The following LHFPL3 variants were observed in gnomAD, a reference collection of about 807,000 sequenced individuals.
LHFPL3 encodes LHFPL tetraspan subfamily member 3 protein.
Under a neutral mutation model 19.3 loss-of-function variants are expected in LHFPL3, and 5 were observed. The observed-to-expected ratio is 0.26, with a 90% CI of 0.14 to 0.54. The LOEUF (loss-of-function observed/expected upper bound fraction) is 0.54, where lower values mean the gene tolerates loss of function less well. Ranked by LOEUF, LHFPL3 falls within the 20% of genes least tolerant of loss-of-function variation. LHFPL3 has a pLI of 0.94. For missense variants in LHFPL3, 249 were observed against 307.4 expected, an observed-to-expected ratio of 0.81 and a Z score of 1.42; for synonymous variants, 133 against 126.2, an observed-to-expected ratio of 1.05 and a Z score of -0.36.
At chr7:104,727,989 A>G (rs1793621647) in intron 1 of LHFPL3, among the ~76,000 whole-genome samples, 1 of 152,182 alleles carries the variant, frequency 6.6e-6, no homozygotes, top group Admixed American at 6.6e-5. Context: ...GAAGGCCTAA[A>G]GTAGGGGCGT....
At chr7:104,386,133 T>C (rs1435585567) in intron 1 of LHFPL3, among the ~76,000 whole-genome samples, 3 of 152,190 alleles carry the variant, frequency 2.0e-5, no homozygotes, top group Non-Finnish European at 4.4e-5. Context: ...TTCACAATGA[T>C]GGTAATTGTA....
rs372825741 is a variant in LHFPL3 at position 104,591,277 on chromosome 7, C to T, written c.446-145398C>T. Reference sequence around the variant, plus strand: ...CAGTTGTTCCTTTCCATGTTTAGTGCTTCCTTCATGAGCTCTTGTAAGGCA... The same window carrying T: ...CAGTTGTTCCTTTCCATGTTTAGTGTTTCCTTCATGAGCTCTTGTAAGGCA... On this transcript the variant is annotated intron_variant, in intron 1 of 2. Transcript: ENST00000424859. 2.8e-4 allele frequency among the ~76,000 whole-genome samples: 42 copies of T among 151,844 alleles called. 1 individual carries two copies. In the East Asian group the frequency reaches 4.6e-3, roughly 17 times the overall value.
chr7:104,423,977 G>A (rs1791787543), intron 1 of LHFPL3, among the ~76,000 whole-genome samples: 1 of 152,232 alleles, frequency 6.6e-6, no homozygotes, highest in Non-Finnish European at 1.5e-5. Flanking sequence ...AGAATGGTCA[G>A]GGTAGGGCTT....
chr7:104,794,640 T>A (rs1790083715), intron 2 of LHFPL3, among the ~76,000 whole-genome samples: 1 of 152,222 alleles, frequency 6.6e-6, no homozygotes, highest in African/African-American at 2.4e-5. Context: ...GCTACAAGAA[T>A]TTCCATCTAA....
intron 2 of LHFPL3, chr7:104,786,443 A>G (rs1319703133): frequency 6.6e-6 from 1 of 152,202 alleles, no homozygotes; most frequent in African/African-American, 2.4e-5. Flanking sequence ...TTAACCCTAT[A>G]TCTATTATAA....
At position 104,343,165 on chromosome 7, in the gene LHFPL3, A is replaced by G. The variant is rs75006900; in HGVS notation, c.445+13941A>G. Among the ~76,000 whole-genome samples the G allele has an allele frequency of 7.3e-3, 1,107 of 152,170 alleles. 78 individuals are homozygous for G. The East Asian group carries it at 0.17, about 24-fold the overall frequency. ...TGATGACATGAGCAGTTCATTTGAA[A>G]TTTTTCCCCAAATGTGTTAAAGTAT... On this transcript the variant is annotated intron_variant, in intron 1 of 2. Coordinates refer to ENST00000424859, the MANE Select transcript of LHFPL3 (RefSeq NM_199000.3).
At chr7:104,835,095 C>T (rs887421759) in intron 2 of LHFPL3, among the ~76,000 whole-genome samples, 1 of 151,916 alleles carries the variant, frequency 6.6e-6, no homozygotes, top group Non-Finnish European at 1.5e-5. Context: ...GAGTTCAAGT[C>T]CTGACACTTC....
chr7:104,332,920 C>A (rs1801597526), intron 1 of LHFPL3, among the ~76,000 whole-genome samples: 1 of 143,336 alleles, frequency 7.0e-6, no homozygotes. Flanking sequence ...TTTCCTAAAT[C>A]TGTAGAAAGG....
intron 2 of LHFPL3, among the ~76,000 whole-genome samples, chr7:104,867,270 A>C (rs1007218225): frequency 6.6e-6 from 1 of 152,222 alleles, no homozygotes; most frequent in Non-Finnish European, 1.5e-5. Context: ...TCCCTTCAAA[A>C]AAATCAATGA....
chr7:104,834,582 G>A (rs1791055324), intron 2 of LHFPL3, among the ~76,000 whole-genome samples: 1 of 152,136 alleles, frequency 6.6e-6, no homozygotes, highest in African/African-American at 2.4e-5. Context: ...AAGTGTCGCA[G>A]TTGCCCTTGT....
At chr7:104,420,860 C>G (rs1162987608) in intron 1 of LHFPL3, among the ~76,000 whole-genome samples, 1 of 152,214 alleles carries the variant, frequency 6.6e-6, no homozygotes, top group Non-Finnish European at 1.5e-5. Flanking sequence ...CCGCGCCCGG[C>G]CCCCCAAAGG....
chr7:104,548,773 C>T (rs1794616591), intron 1 of LHFPL3, among the ~76,000 whole-genome samples: 1 of 152,056 alleles, frequency 6.6e-6, no homozygotes, highest in South Asian at 2.1e-4. Context: ...AAACAATGGT[C>T]CTCAATAAGT....
intron 1 of LHFPL3, among the ~76,000 whole-genome samples, chr7:104,343,438 G>A (rs1002373094): frequency 3.4e-5 from 5 of 146,426 alleles, no homozygotes; most frequent in East Asian, 2.0e-4. Flanking sequence ...ACTTGAACCC[G>A]GGAGGTGGAG....
chr7:104,903,462 CTT>C (rs34097567), intron 2 of LHFPL3, among the ~76,000 whole-genome samples: 59 of 126,708 alleles, frequency 4.7e-4, no homozygotes, highest in East Asian at 2.5e-3. Context: ...TCTAGTTATA[CTT>C]TTTTTTTTTT....
intron 1 of LHFPL3, among the ~76,000 whole-genome samples, chr7:104,440,968 AG>A (rs766216228): frequency 1.3e-5 from 2 of 152,298 alleles, no homozygotes; most frequent in Non-Finnish European, 2.9e-5. Context: ...ACCACAATCA[AG>A]GTAATAAATT....
In LHFPL3 at chr7:104,652,588, G is replaced by A. The variant is rs78283275; in HGVS notation, c.446-84087G>A. Among the ~76,000 whole-genome samples, 672 of 152,182 alleles carry A rather than the reference G, an allele frequency of 4.4e-3. 39 individuals are homozygous for A. The East Asian group carries it at 0.11, about 25-fold the overall frequency. The stretch of plus-strand genomic sequence containing the variant: ...TAGGATCCAGTGCTAGAAGGCCTGG[G>A]AACATAAGCACTGCAAAGAGGCCAC... On this transcript the variant is annotated intron_variant, in intron 1 of 2. Transcript: ENST00000424859.
At chr7:104,466,197 A>C (rs936514558) in intron 1 of LHFPL3, among the ~76,000 whole-genome samples, 3 of 152,210 alleles carry the variant, frequency 2.0e-5, no homozygotes, top group African/African-American at 7.2e-5. Context: ...CTGAAAATTT[A>C]TATCTGTTTA....
intron 2 of LHFPL3, among the ~76,000 whole-genome samples, chr7:104,837,054 C>T (rs1233367395): frequency 6.6e-6 from 1 of 152,180 alleles, no homozygotes; most frequent in South Asian, 2.1e-4. Context: ...GAACATTGGG[C>T]AGGGAATCAG....
chr7:104,853,192 AC>A (rs1562814997), intron 2 of LHFPL3, among the ~76,000 whole-genome samples: 1 of 152,090 alleles, frequency 6.6e-6, no homozygotes, highest in Non-Finnish European at 1.5e-5. Context: ...ATGTTAGAAT[AC>A]CCTTGGGGTC....
Sources: gnomAD v4.1 joint callset for allele counts (sites outside exome capture counted in the v4.1 genomes callset) on GRCh38, gnomAD v4.1.1 for gene constraint, MANE v1.5 for transcripts, NCBI Gene and HGNC (gene_info 2026-07-23, HGNC 2026-07-21) for gene names.